Variants in HEATR1 observed in about 807,000 individuals in gnomAD.
HEATR1 encodes the protein HEAT repeat containing 1, also known as HEAT repeat-containing protein 1.
A neutral mutation model predicts 248.2 loss-of-function variants in HEATR1; 77 were observed. That is an observed-to-expected ratio of 0.31 (90% CI 0.26 to 0.37). The LOEUF (loss-of-function observed/expected upper bound fraction) is 0.37, where lower values mean the gene tolerates loss of function less well. Ranked by LOEUF, HEATR1 falls within the 10% of genes least tolerant of loss-of-function variation. HEATR1 has a pLI of 1.00. For synonymous variants in HEATR1, 897 were observed against 923.1 expected (o/e 0.97, Z 0.51); for missense variants, 2,420 against 2,504.9 (o/e 0.97, Z 0.72).
chr1:236,555,762 T>G, intron 39 of HEATR1, 43 bp downstream of exon 39: 1 of 1,613,138 alleles, frequency 6.2e-7, no homozygotes, highest in Non-Finnish European at 8.5e-7. Context: ...CTTCAATAGG[T>G]GGATAACAGC....
chr1:236,577,489 CTTTT>C (rs34171040), intron 20 of HEATR1, among the ~76,000 whole-genome samples: 5 of 140,632 alleles, frequency 3.6e-5, no homozygotes, highest in Admixed American at 7.1e-5. Flanking sequence ...TTACATCATT[CTTTT>C]TTTTTTTTTT....
chr1:236,570,946 C>A (rs929051353), intron 28 of HEATR1, among the ~76,000 whole-genome samples: 1 of 152,134 alleles, frequency 6.6e-6, no homozygotes, highest in African/African-American at 2.4e-5. Context: ...AGTTTATGAT[C>A]AAATTAATTT....
Position 236,549,549 on chromosome 1 carries a change from G to A in HEATR1, c.*1353C>T, listed in dbSNP as rs1377687983. 3 of 152,244 alleles carry A rather than the reference G, an allele frequency of 2.0e-5. No homozygotes were observed. The highest frequency in any genetic ancestry group is 2.9e-5 in the Non-Finnish European group (2 of 68,040). 9.4% of individuals were successfully genotyped at this position (152,244 alleles called of 1,614,324 possible). A position where few individuals can be genotyped will look rare whatever the true frequency, so the allele number is the denominator to read the frequency against. On this transcript the variant is annotated 3_prime_UTR_variant, in exon 45 of 45. Coordinates refer to ENST00000366582, the MANE Select transcript of HEATR1 (RefSeq NM_018072.6). Reference sequence around the variant, plus strand: ...TCTTATTTTTTTAAAAGTACTCAGTGTAGAAATCGCTAGCCCTTAATTCTT... The same window carrying A: ...TCTTATTTTTTTAAAAGTACTCAGTATAGAAATCGCTAGCCCTTAATTCTT...
intron 17 of HEATR1, 28 bp from the exon 18 acceptor site, chr1:236,583,224 G>GT: frequency 6.4e-7 from 1 of 1,555,480 alleles, no homozygotes; most frequent in Non-Finnish European, 8.7e-7. Flanking sequence ...ACAAAAACTA[G>GT]TACAAACTAA....
At chr1:236,601,575 G>C (rs963159665) in intron 3 of HEATR1, among the ~76,000 whole-genome samples, 1 of 151,996 alleles carries the variant, frequency 6.6e-6, no homozygotes, top group Non-Finnish European at 1.5e-5. Flanking sequence ...GGCCGACTCG[G>C]CAGGAGGATC....
At chr1:236,601,491 T>A (rs1572056438) in intron 3 of HEATR1, among the ~76,000 whole-genome samples, 1 of 152,252 alleles carries the variant, frequency 6.6e-6, no homozygotes, top group South Asian at 2.1e-4. Context: ...ATTAATGGAA[T>A]AGAAATCTAC....
Position 236,550,844 on chromosome 1 carries a change from T to A in HEATR1, c.*58A>T. On this transcript the variant is annotated 3_prime_UTR_variant, in exon 45 of 45. Coordinates refer to ENST00000366582, the MANE Select transcript of HEATR1 (RefSeq NM_018072.6). ...TAACATGGCACCCAACACCCAAAAA[T>A]AAAAATATGAAATATGAGTGTGAAC... 1 of 1,372,704 alleles carries A rather than the reference T, an allele frequency of 7.3e-7. No homozygotes were observed. Among genetic ancestry groups the A allele is most frequent in the Non-Finnish European group, 1.0e-6 (1 of 995,102 alleles). The allele number at this position is 1,372,704 out of a possible 1,614,324, so 85.0% of individuals were successfully genotyped here.
intron 34 of HEATR1, 29 bp downstream of exon 34, chr1:236,559,685 A>T (rs1202681082): frequency 6.4e-7 from 1 of 1,570,072 alleles, no homozygotes; most frequent in African/African-American, 1.4e-5. Context: ...GCAACAAAAC[A>T]GTAATTCCAG....
Position 236,566,827 on chromosome 1 carries a change from A to G in HEATR1, c.4127T>C (p.Val1376Ala). ...IEVSRNVEEI[V>A]VKIISVFVDA... is the part of the protein sequence containing the mutation. ...CACAAATACACTAATGATTTTTACCACAATCTCTTCAACGTTTCTTGAAAC... is the reference window on the plus strand; with the variant it reads ...CACAAATACACTAATGATTTTTACCGCAATCTCTTCAACGTTTCTTGAAAC... The change falls in exon 30 of 45, where the codon GTG becomes GCG. Residue 1376 changes from valine to alanine, a missense_variant. Coordinates refer to ENST00000366582, the MANE Select transcript of HEATR1 (RefSeq NM_018072.6). 6.2e-7 allele frequency: 1 copy of G among 1,614,106 alleles called. No homozygotes were observed. Among genetic ancestry groups the G allele is most frequent in the South Asian group, 1.1e-5 (1 of 91,088 alleles).
At chr1:236,580,985 A>G (rs1168876679) in intron 20 of HEATR1, among the ~76,000 whole-genome samples, 3 of 151,494 alleles carry the variant, frequency 2.0e-5, no homozygotes, top group Admixed American at 1.3e-4. Flanking sequence ...ACGCCCAGCT[A>G]ATTTTTGTAT....
In HEATR1 at chr1:236,603,329, G is replaced by T. The variant is rs1481382048; in HGVS notation, c.190C>A (p.Gln64Lys). ...ELLGIDPSFE[Q>K]FEAPLFSQLA... ...TGACTGAACAACGGTGCTTCAAACTGCTCAAAGGAAGGATCAATTCCAAGC... is the reference window on the plus strand; with the variant it reads ...TGACTGAACAACGGTGCTTCAAACTTCTCAAAGGAAGGATCAATTCCAAGC... Residue 64 changes from glutamine (Q) to lysine (K), a missense_variant, in exon 3 of 45, where the codon CAG becomes AAG. Physicochemically the swap from Gln to Lys is moderately conservative, Grantham distance 53. Coordinates refer to ENST00000366582, the MANE Select transcript of HEATR1 (RefSeq NM_018072.6). 4 of 1,614,098 alleles carry T rather than the reference G, an allele frequency of 2.5e-6. No homozygotes were observed. Among genetic ancestry groups the T allele is most frequent in the Non-Finnish European group, 3.4e-6 (4 of 1,180,018 alleles).
Position 236,604,049 on chromosome 1 carries a change from C to T in HEATR1, c.47G>A (p.Ser16Asn). ...QQLQRLALPQ[S>N]DASLLSRDEV... ...ATCTCTAGATAAGAGGCTGGCATCA[C>T]TTTGAGGGAGGGCGAGTCGTTGCAG... Residue 16 changes from serine (S) to asparagine (N), a missense_variant, in exon 2 of 45, where the codon AGT (serine) becomes AAT (asparagine). Coordinates refer to ENST00000366582, the MANE Select transcript of HEATR1 (RefSeq NM_018072.6). 6.3e-7 allele frequency: 1 copy of T among 1,585,800 alleles called. No individual in the cohort carries two copies. The highest frequency in any genetic ancestry group is 8.5e-7 in the Non-Finnish European group (1 of 1,170,184).
intron 26 of HEATR1, 142 bp from the exon 27 acceptor site, chr1:236,571,828 G>C: frequency 3.0e-6 from 2 of 660,820 alleles, no homozygotes; most frequent in South Asian, 3.6e-5. Context: ...TAAACATCAA[G>C]TCTAGAAATA....
intron 20 of HEATR1, among the ~76,000 whole-genome samples, chr1:236,580,113 T>C (rs960290076): frequency 6.6e-6 from 1 of 152,226 alleles, no homozygotes; most frequent in African/African-American, 2.4e-5. Flanking sequence ...CATCCCCTCA[T>C]GTCAATAGCT....
chr1:236,604,193 T>A, intron 1 of HEATR1, 66 bp from the exon 2 acceptor site: 1 of 1,333,950 alleles, frequency 7.5e-7, no homozygotes, highest in Non-Finnish European at 1.0e-6. Flanking sequence ...AACAAACAAT[T>A]CTCTTCTGCA....
chr1:236,574,636 T>C lies in HEATR1; in HGVS notation c.3327+25A>G, dbSNP rs563029416. ...TTTAAATGCTTGAACATGCTATGCC[T>C]TAGTTTCTGAAAGAAATCACTGACC... On this transcript the variant is annotated intron_variant, in intron 23 of 44. Coordinates refer to ENST00000366582, the MANE Select transcript of HEATR1 (RefSeq NM_018072.6). 4 of 1,604,262 alleles carry C rather than the reference T, an allele frequency of 2.5e-6. No homozygotes were observed. In the South Asian group the frequency reaches 3.4e-5, roughly 14 times the overall value.
intron 5 of HEATR1, 68 bp downstream of exon 5, chr1:236,597,810 T>C (rs41305580): frequency 0.02 from 18,984 of 956,140 alleles, 244 homozygotes; most frequent in Middle Eastern, 0.046. Flanking sequence ...AATGTTTTAG[T>C]ATGTTTTCTT....
At position 236,555,957 on chromosome 1, in the gene HEATR1, A is replaced by G; in HGVS notation, c.5515-18T>C. The G allele has an allele frequency of 6.2e-7, 1 of 1,613,374 alleles. No individual in the cohort carries two copies. Among genetic ancestry groups the G allele is most frequent in the South Asian group, 1.1e-5 (1 of 91,060 alleles). On this transcript the variant is annotated intron_variant, in intron 38 of 44. Coordinates refer to ENST00000366582, the MANE Select transcript of HEATR1 (RefSeq NM_018072.6). ...ATGTGATTCTACCAATAACACAGGA[A>G]AGAGATGTGCCATTTTCAAATGATT...
chr1:236,582,633 C>T (rs527468845), intron 19 of HEATR1, 103 bp downstream of exon 19: 4 of 1,187,514 alleles, frequency 3.4e-6, no homozygotes, highest in South Asian at 1.3e-5. Flanking sequence ...GAACTCCTGA[C>T]CTCAAGTGAT....
Sources: gnomAD v4.1 joint callset for allele counts (sites outside exome capture counted in the v4.1 genomes callset) on GRCh38, gnomAD v4.1.1 for gene constraint, MANE v1.5 for transcripts, NCBI Gene and HGNC (gene_info 2026-07-23, HGNC 2026-07-21) for gene names.